The following GAK variants were observed in gnomAD, a reference collection of about 807,000 sequenced individuals.
GAK encodes the protein cyclin-G-associated kinase.
A neutral mutation model predicts 143.9 loss-of-function variants in GAK; 79 were observed. The ratio of observed to expected loss-of-function variants is 0.55; its 90% confidence interval spans 0.46 to 0.66. GAK has a LOEUF of 0.66. Ranked by LOEUF, GAK falls within the 30% of genes least tolerant of loss-of-function variation. The pLI is 0.00. For missense variants in GAK, 1,693 were observed against 1,779.7 expected, an observed-to-expected ratio of 0.95 and a Z score of 0.88; for synonymous variants, 881 against 765.5, an observed-to-expected ratio of 1.15 and a Z score of -2.49.
chr4:876,400 G>C (rs948703716), intron 18 of GAK, 130 bp downstream of exon 18: 2 of 762,258 alleles, frequency 2.6e-6, no homozygotes, highest in African/African-American at 3.4e-5. Flanking sequence ...CCAGGAACAG[G>C]CCCAGAGCCA....
intron 1 of GAK, among the ~76,000 whole-genome samples, chr4:929,029 T>C (rs1725268070): frequency 6.6e-6 from 1 of 152,214 alleles, no homozygotes; most frequent in African/African-American, 2.4e-5. Context: ...CCCAAAGTGC[T>C]GGGATCACAG....
At chr4:859,010 C>A (rs953466306) in intron 24 of GAK, among the ~76,000 whole-genome samples, 4 of 152,226 alleles carry the variant, frequency 2.6e-5, no homozygotes, top group African/African-American at 9.6e-5. Flanking sequence ...ATGATCATCC[C>A]CCCGCCGCCG....
At position 854,292 on chromosome 4, in the gene GAK, TCA is replaced by T. The variant is rs553809655; in HGVS notation, c.3284-2320_3284-2319del. On this transcript the variant is annotated intron_variant, in intron 24 of 27. Coordinates refer to ENST00000314167, the MANE Select transcript of GAK (RefSeq NM_005255.4). ...CGCCCATTTTCTAACTGGATTGCTT[TCA>T]GTTTGTTTTTGACTGTATTTTTATA... Among the ~76,000 whole-genome samples the T allele has an allele frequency of 5.9e-3, 898 of 152,286 alleles. 11 individuals are homozygous for T. Among genetic ancestry groups the T allele is most frequent in the African/African-American group, 0.02 (845 of 41,548 alleles).
chr4:890,523 G>A lies in GAK; in HGVS notation c.1081+9C>T. 6.3e-7 allele frequency: 1 copy of A among 1,599,496 alleles called. No individual in the cohort carries two copies. Among genetic ancestry groups the A allele is most frequent in the East Asian group, 2.3e-5 (1 of 44,406 alleles). The stretch of plus-strand genomic sequence containing the variant: ...GGGACAGGTGGCGGGCACAGGACAG[G>A]GCACTCACCTCCACTGTAGCCACTG... On this transcript the variant is annotated intron_variant, in intron 10 of 27. Coordinates refer to ENST00000314167, the MANE Select transcript of GAK (RefSeq NM_005255.4).
At chr4:915,876 G>A (rs1281153609) in intron 1 of GAK, 2 of 152,118 alleles carry the variant, frequency 1.3e-5, no homozygotes, top group Non-Finnish European at 1.5e-5. Flanking sequence ...CATCAGTCAA[G>A]AAAAAGAAAT....
At chr4:901,471 G>A (rs527418657) in intron 5 of GAK, among the ~76,000 whole-genome samples, 3 of 152,366 alleles carry the variant, frequency 2.0e-5, no homozygotes, top group South Asian at 2.1e-4. Context: ...AGGCACCCAC[G>A]AGCAGACGCT....
chr4:876,921 C>T (rs564853972), intron 17 of GAK, among the ~76,000 whole-genome samples, 169 bp downstream of exon 17: 5 of 152,330 alleles, frequency 3.3e-5, no homozygotes, highest in South Asian at 4.1e-4. Context: ...GTCAAGTGCA[C>T]GGGGCAAGCA....
At chr4:860,892 ACT>A (rs1227005933) in intron 23 of GAK, among the ~76,000 whole-genome samples, 2 of 152,012 alleles carry the variant, frequency 1.3e-5, no homozygotes, top group Non-Finnish European at 1.5e-5. Flanking sequence ...GGCTGTGTCA[ACT>A]CTGTCCGGCA....
intron 1 of GAK, among the ~76,000 whole-genome samples, chr4:928,901 C>G (rs952394467): frequency 6.6e-6 from 1 of 152,138 alleles, no homozygotes; most frequent in African/African-American, 2.4e-5. Context: ...GTAGCTGGGA[C>G]TACAGGCATG....
intron 15 of GAK, among the ~76,000 whole-genome samples, chr4:878,195 C>T (rs972244859): frequency 1.3e-5 from 2 of 152,124 alleles, no homozygotes; most frequent in Non-Finnish European, 2.9e-5. Flanking sequence ...TTGAGACCAG[C>T]CTGGGCAACA....
At chr4:849,830 C>CCGGGGGGGGGGGGGGG in intron 27 of GAK, 56 bp from the exon 28 acceptor site, 9 of 1,172,344 alleles carry the variant, frequency 7.7e-6, no homozygotes, top group Non-Finnish European at 7.1e-6. Flanking sequence ...GCGGGCGGGG[C>CCGGGGGGGGGGGGGGG]AGGACCCCCC....
intron 2 of GAK, 124 bp from the exon 3 acceptor site, chr4:912,918 G>A (rs868857197): frequency 3.1e-5 from 20 of 650,248 alleles, no homozygotes; most frequent in Non-Finnish European, 4.8e-5. Context: ...AGCTCCCCCC[G>A]TTTCGTGTGT....
intron 14 of GAK, among the ~76,000 whole-genome samples, chr4:882,422 C>T (rs1003312553): frequency 2.0e-5 from 3 of 152,130 alleles, no homozygotes; most frequent in Non-Finnish European, 2.9e-5. Flanking sequence ...AGGTGGCCAC[C>T]GAGCAGGAGG....
chr4:884,991 G>A (rs978981916), intron 11 of GAK, among the ~76,000 whole-genome samples: 3 of 151,916 alleles, frequency 2.0e-5, no homozygotes, highest in Admixed American at 2.0e-4. Context: ...TAAACCCGCA[G>A]AGCAGGTGCT....
In GAK at chr4:893,449, G is replaced by A. The variant is rs1346773425; in HGVS notation, c.918C>T (p.Ile306=). ...LQVNPEERLS[I]AEVVHQLQEI... is the part of the protein sequence containing the mutation. ...CCTGCAGCTGGTGCACCACCTCGGCGATGGACAGCCGCTCCTCCGGGTTCA... is the reference window on the plus strand; with the variant it reads ...CCTGCAGCTGGTGCACCACCTCGGCAATGGACAGCCGCTCCTCCGGGTTCA... The change falls in exon 9 of 28, where the codon ATC becomes ATT. Residue 306 remains isoleucine, a synonymous_variant. Coordinates refer to ENST00000314167, the MANE Select transcript of GAK (RefSeq NM_005255.4). The A allele has an allele frequency of 1.9e-6, 3 of 1,592,248 alleles. No homozygotes were observed. Among genetic ancestry groups the A allele is most frequent in the East Asian group, 2.3e-5 (1 of 43,862 alleles).
intron 14 of GAK, among the ~76,000 whole-genome samples, chr4:882,253 TA>T (rs1236715292): frequency 6.6e-6 from 1 of 152,204 alleles, no homozygotes; most frequent in Non-Finnish European, 1.5e-5. Flanking sequence ...AGAACAGGGC[TA>T]GGGCCACTCC....
At chr4:923,545 C>T (rs1337883616) in intron 1 of GAK, among the ~76,000 whole-genome samples, 1 of 152,122 alleles carries the variant, frequency 6.6e-6, no homozygotes, top group South Asian at 2.1e-4. Flanking sequence ...CGTGGTGGTG[C>T]GTGCCTGTGG....
chr4:924,463 G>C (rs565375360), intron 1 of GAK, among the ~76,000 whole-genome samples: 1 of 151,926 alleles, frequency 6.6e-6, no homozygotes, highest in African/African-American at 2.4e-5. Flanking sequence ...TTTTACCCAA[G>C]ACAAAGAAAA....
chr4:887,300 ACT>A (rs1458749783), intron 11 of GAK: 2 of 143,516 alleles, frequency 1.4e-5, no homozygotes, highest in East Asian at 4.2e-4. Context: ...GCTCACGCGC[ACT>A]CACACGTGTA....
Sources: allele counts gnomAD v4.1 joint callset (sites outside exome capture counted in the v4.1 genomes callset), GRCh38; gene constraint gnomAD v4.1.1; transcripts MANE v1.5; gene names NCBI Gene and HGNC (gene_info 2026-07-23, HGNC 2026-07-21).